Variants in LHFPL2 observed in about 807,000 individuals in gnomAD.
LHFPL2 encodes the protein LHFPL tetraspan subfamily member 2, also known as LHFPL tetraspan subfamily member 2 protein.
Under a neutral mutation model 17.5 loss-of-function variants are expected in LHFPL2, and 7 were observed. The observed-to-expected ratio is 0.40, with a 90% CI of 0.23 to 0.75. LHFPL2 has a LOEUF of 0.75. Among genes scored for constraint, LHFPL2 ranks in the 30% least tolerant of loss-of-function variants. The pLI is 0.37. For missense variants in LHFPL2, 241 were observed against 294.8 expected, an observed-to-expected ratio of 0.82 and a Z score of 1.34; for synonymous variants, 134 against 116.2, an observed-to-expected ratio of 1.15 and a Z score of -0.99.
chr5:78,544,096 A>G (rs1300276381), intron 3 of LHFPL2, among the ~76,000 whole-genome samples: 1 of 152,206 alleles, frequency 6.6e-6, no homozygotes, highest in Non-Finnish European at 1.5e-5. Flanking sequence ...CAGGACAGCA[A>G]TGGCTTGACC....
chr5:78,616,271 T>C (rs1023923854), intron 2 of LHFPL2, among the ~76,000 whole-genome samples: 8 of 152,098 alleles, frequency 5.3e-5, no homozygotes, highest in Non-Finnish European at 1.0e-4. Context: ...GGACTACTGG[T>C]GCCCGCCACC....
chr5:78,529,563 G>C (rs1449035514), intron 3 of LHFPL2, among the ~76,000 whole-genome samples: 1 of 152,012 alleles, frequency 6.6e-6, no homozygotes, highest in Admixed American at 6.6e-5. Flanking sequence ...TAGCATACGG[G>C]AAGCGGAGCT....
intron 2 of LHFPL2, among the ~76,000 whole-genome samples, chr5:78,586,825 G>A (rs747772120): frequency 1.3e-5 from 2 of 152,154 alleles, no homozygotes; most frequent in Non-Finnish European, 2.9e-5. Context: ...ATTATTATTT[G>A]AGAAGTTCTA....
Position 78,563,877 on chromosome 5 carries a change from C to A in LHFPL2, c.-186+936G>T, listed in dbSNP as rs569878089. Among the ~76,000 whole-genome samples the A allele has an allele frequency of 5.9e-5, 9 of 152,266 alleles. No individual in the cohort carries two copies. The South Asian group carries it at 1.9e-3, about 32-fold the overall frequency. ...TAACAACAACAACAAAAACCTCAAG[C>A]TTCCTAACCTAAGCAGTAGAAGTTG... On this transcript the variant is annotated intron_variant, in intron 3 of 4. Coordinates refer to ENST00000380345, the MANE Select transcript of LHFPL2 (RefSeq NM_005779.3).
intron 3 of LHFPL2, among the ~76,000 whole-genome samples, chr5:78,554,064 G>A (rs745352078): frequency 1.1e-3 from 161 of 152,304 alleles, no homozygotes; most frequent in Admixed American, 3.1e-3. Context: ...TTGATCAGGC[G>A]CTGATCTATT....
chr5:78,522,888 T>C (rs1755499217), intron 3 of LHFPL2, among the ~76,000 whole-genome samples: 1 of 152,090 alleles, frequency 6.6e-6, no homozygotes. Context: ...GGATATGATA[T>C]CTGGGAAGTA....
At chr5:78,548,804 G>A (rs1238612535) in intron 3 of LHFPL2, among the ~76,000 whole-genome samples, 2 of 152,160 alleles carry the variant, frequency 1.3e-5, no homozygotes, top group Non-Finnish European at 2.9e-5. Flanking sequence ...AACATATTAT[G>A]TGCTTGTTAA....
At chr5:78,606,345 G>T (rs1279879489) in intron 2 of LHFPL2, among the ~76,000 whole-genome samples, 1 of 152,180 alleles carries the variant, frequency 6.6e-6, no homozygotes, top group Non-Finnish European at 1.5e-5. Flanking sequence ...TAGGCAGTGA[G>T]TTACTGTGCT....
intron 2 of LHFPL2, among the ~76,000 whole-genome samples, chr5:78,613,273 G>C (rs1297735398): frequency 6.6e-6 from 1 of 152,118 alleles, no homozygotes; most frequent in Non-Finnish European, 1.5e-5. Flanking sequence ...GGCAAACTTG[G>C]AACATGCACT....
intron 2 of LHFPL2, among the ~76,000 whole-genome samples, chr5:78,580,795 T>C (rs1336164266): frequency 1.3e-5 from 2 of 152,042 alleles, no homozygotes; most frequent in Non-Finnish European, 2.9e-5. Flanking sequence ...CCTCCAGCTT[T>C]GTTCTTTTGG....
intron 2 of LHFPL2, among the ~76,000 whole-genome samples, chr5:78,569,741 C>T (rs1473807632): frequency 6.6e-6 from 1 of 152,178 alleles, no homozygotes; most frequent in Non-Finnish European, 1.5e-5. Context: ...CAACGCCGGC[C>T]CTGCCACTCA....
At chr5:78,619,645 TC>T (rs1223600064) in intron 2 of LHFPL2, among the ~76,000 whole-genome samples, 8 of 93,408 alleles carry the variant, frequency 8.6e-5, no homozygotes, top group South Asian at 4.9e-4. Context: ...ATGCTATCCC[TC>T]CCCCCTCCCC....
At chr5:78,535,245 C>T (rs554868693) in intron 3 of LHFPL2, among the ~76,000 whole-genome samples, 6 of 152,144 alleles carry the variant, frequency 3.9e-5, no homozygotes, top group Non-Finnish European at 8.8e-5. Flanking sequence ...ACTGGCACTA[C>T]GCTGAGCGCC....
At chr5:78,518,046 C>T (rs947738701) in intron 3 of LHFPL2, among the ~76,000 whole-genome samples, 9 of 152,156 alleles carry the variant, frequency 5.9e-5, no homozygotes, top group Admixed American at 1.3e-4. Context: ...TGCCATAAGC[C>T]GGGGCCATAT....
intron 2 of LHFPL2, among the ~76,000 whole-genome samples, chr5:78,594,209 A>G (rs1411411758): frequency 1.3e-5 from 2 of 152,178 alleles, no homozygotes; most frequent in Non-Finnish European, 2.9e-5. Context: ...AACACTAGAC[A>G]AGAAGAGAGG....
chr5:78,510,626 A>G (rs1192389997), intron 3 of LHFPL2, among the ~76,000 whole-genome samples: 2 of 151,994 alleles, frequency 1.3e-5, no homozygotes, highest in African/African-American at 4.8e-5. Context: ...TCTAGGGAGC[A>G]CCATGGAAGG....
chr5:78,575,019 T>C (rs1461476897), intron 2 of LHFPL2, among the ~76,000 whole-genome samples: 1 of 151,946 alleles, frequency 6.6e-6, no homozygotes, highest in Non-Finnish European at 1.5e-5. Flanking sequence ...TGACCAAAGG[T>C]CTTGGTGGCA....
intron 2 of LHFPL2, 38 bp downstream of exon 2, chr5:78,632,226 A>C (rs986471267): frequency 2.0e-5 from 3 of 152,216 alleles, no homozygotes; most frequent in African/African-American, 4.8e-5. Context: ...GGTGGTTATC[A>C]GAGTGCATTG....
At position 78,488,822 on chromosome 5, in the gene LHFPL2, C is replaced by T. The variant is rs1754337739; in HGVS notation, c.*75G>A. 3.9e-6 allele frequency: 6 copies of T among 1,549,232 alleles called. No homozygotes were observed. In the South Asian group the frequency reaches 7.0e-5, roughly 18 times the overall value. Reference sequence around the variant, plus strand: ...TTGGTAGGTAAAGGTTAGTTCTCCACTTGACTCAAATGATGAAACTGTGGA... The same window carrying T: ...TTGGTAGGTAAAGGTTAGTTCTCCATTTGACTCAAATGATGAAACTGTGGA... On this transcript the variant is annotated 3_prime_UTR_variant, in exon 5 of 5. Coordinates refer to ENST00000380345, the MANE Select transcript of LHFPL2 (RefSeq NM_005779.3).
Sources: allele counts gnomAD v4.1 joint callset (sites outside exome capture counted in the v4.1 genomes callset), GRCh38; gene constraint gnomAD v4.1.1; transcripts MANE v1.5; gene names NCBI Gene and HGNC (gene_info 2026-07-23, HGNC 2026-07-21).